The following CNTN5 variants were observed in gnomAD, a reference collection of about 807,000 sequenced individuals.
The protein encoded by CNTN5 is contactin 5.
In CNTN5, 77 loss-of-function variants were observed where a neutral mutation model predicts 129.1. The ratio of observed to expected loss-of-function variants is 0.60; its 90% CI spans 0.50 to 0.72. The LOEUF is 0.72. Ranked by LOEUF, CNTN5 falls within the 30% of genes least tolerant of loss-of-function variation. CNTN5 has a pLI of 0.00. For missense variants in CNTN5, 1,478 were observed against 1,328.8 expected (o/e 1.11, Z -1.75); for synonymous variants, 509 against 465.6 (o/e 1.09, Z -1.20).
intron 2 of CNTN5, among the ~76,000 whole-genome samples, chr11:99,367,973 T>C (rs921829901): frequency 6.6e-6 from 1 of 152,286 alleles, no homozygotes; most frequent in South Asian, 2.1e-4. Context: ...AATTTAATTT[T>C]CTGAATACCT....
intron 1 of CNTN5, among the ~76,000 whole-genome samples, chr11:99,036,538 A>T (rs567108455): frequency 1.3e-5 from 2 of 152,318 alleles, no homozygotes; most frequent in East Asian, 3.9e-4. Context: ...ATATGAAAAC[A>T]AATAAATATG....
At chr11:100,308,251 C>T (rs1951399327) in intron 20 of CNTN5, 108 bp from the exon 21 acceptor site, 1 of 973,902 alleles carries the variant, frequency 1.0e-6, no homozygotes, top group Admixed American at 2.9e-5. Context: ...TACCACAGCA[C>T]TTCATTTCAA....
intron 1 of CNTN5, among the ~76,000 whole-genome samples, chr11:99,209,091 TG>T (rs2135662286): frequency 6.6e-6 from 1 of 152,248 alleles, no homozygotes; most frequent in African/African-American, 2.4e-5. Context: ...AACCTTATTT[TG>T]CTGTGAATTG....
At chr11:99,957,632 C>CACTAT (rs1950837492) in intron 8 of CNTN5, among the ~76,000 whole-genome samples, 1 of 151,912 alleles carries the variant, frequency 6.6e-6, no homozygotes, top group South Asian at 2.1e-4. Flanking sequence ...GCTATATTAC[C>CACTAT]ATTGATATAT....
At chr11:99,911,213 G>A (rs1476873066) in intron 6 of CNTN5, among the ~76,000 whole-genome samples, 1 of 151,948 alleles carries the variant, frequency 6.6e-6, no homozygotes, top group Non-Finnish European at 1.5e-5. Flanking sequence ...TTTAAAATTT[G>A]CATTAAATCG....
intron 8 of CNTN5, among the ~76,000 whole-genome samples, chr11:99,983,337 GAA>G (rs893725768): frequency 3.3e-5 from 5 of 152,298 alleles, no homozygotes; most frequent in African/African-American, 1.2e-4. Context: ...ATGGAGTGGA[GAA>G]AAGTGTTGTG....
Position 100,350,791 on chromosome 11 carries a change from C to T in CNTN5, c.3120C>T (p.Val1040=), listed in dbSNP as rs1175736676. ...TAGTACCACTCCCAGATGCTGGAGTCTATATTATTGAAGTTCGAGCATATA... is the reference window on the plus strand; with the variant it reads ...TAGTACCACTCCCAGATGCTGGAGTTTATATTATTGAAGTTCGAGCATATA... The part of the protein sequence containing the change: ...QAVVPLPDAG[V]YIIEVRAYSE... Residue 1040 remains valine, a synonymous_variant, in exon 24 of 25, where the codon GTC becomes GTT. Transcript: ENST00000524871. The T allele has an allele frequency of 2.5e-6, 4 of 1,608,124 alleles. No individual in the cohort carries two copies. Among genetic ancestry groups the T allele is most frequent in the Middle Eastern group, 1.6e-4 (1 of 6,064 alleles).
chr11:99,430,983 TC>T (rs1943343116), intron 2 of CNTN5, among the ~76,000 whole-genome samples: 1 of 143,002 alleles, frequency 7.0e-6, no homozygotes, highest in Non-Finnish European at 1.5e-5. Context: ...AATTTTTGGA[TC>T]CTTTTTCCTG....
At chr11:99,839,016 T>G (rs1947392877) in intron 4 of CNTN5, among the ~76,000 whole-genome samples, 1 of 152,042 alleles carries the variant, frequency 6.6e-6, no homozygotes, top group Admixed American at 6.6e-5. Context: ...GGAAAAATTC[T>G]TCACAAGTAG....
chr11:99,573,792 T>G (rs375253667), intron 3 of CNTN5, among the ~76,000 whole-genome samples: 14 of 151,876 alleles, frequency 9.2e-5, no homozygotes, highest in African/African-American at 3.1e-4. Flanking sequence ...ATGCATGCAT[T>G]TTGGAGAAAC....
intron 2 of CNTN5, among the ~76,000 whole-genome samples, chr11:99,437,728 C>T (rs1210706441): frequency 6.6e-6 from 1 of 152,168 alleles, no homozygotes; most frequent in African/African-American, 2.4e-5. Context: ...GAGGCTGAGA[C>T]AGGAGAATCG....
intron 1 of CNTN5, among the ~76,000 whole-genome samples, chr11:99,032,328 T>A (rs1863435479): frequency 6.6e-6 from 1 of 151,514 alleles, no homozygotes; most frequent in Non-Finnish European, 1.5e-5. Flanking sequence ...TCTAGATCCC[T>A]GAGGAATCGC....
chr11:100,191,773 C>A (rs544689517), intron 14 of CNTN5, among the ~76,000 whole-genome samples: 1 of 151,812 alleles, frequency 6.6e-6, no homozygotes, highest in African/African-American at 2.4e-5. Flanking sequence ...TTTATATAAG[C>A]AATATTAATA....
At chr11:99,078,691 G>T (rs1282546313) in intron 1 of CNTN5, among the ~76,000 whole-genome samples, 1 of 152,158 alleles carries the variant, frequency 6.6e-6, no homozygotes, top group Non-Finnish European at 1.5e-5. Context: ...TCCAGGCACA[G>T]AAAGACAAAC....
chr11:99,790,833 A>AT (rs1042836057), intron 3 of CNTN5, among the ~76,000 whole-genome samples: 2 of 151,884 alleles, frequency 1.3e-5, no homozygotes, highest in East Asian at 1.9e-4. Flanking sequence ...CCAGCATGTT[A>AT]TTTTTTTGAC....
At chr11:99,318,013 T>A (rs1054576899) in intron 1 of CNTN5, among the ~76,000 whole-genome samples, 1 of 152,182 alleles carries the variant, frequency 6.6e-6, no homozygotes, top group Non-Finnish European at 1.5e-5. Context: ...CTGAAAACTC[T>A]GTTTCAAAAT....
chr11:99,620,406 A>G (rs968248771), intron 3 of CNTN5, among the ~76,000 whole-genome samples: 34 of 151,966 alleles, frequency 2.2e-4, no homozygotes, highest in Non-Finnish European at 7.4e-5. Flanking sequence ...TTAATTATAA[A>G]TATTGCAAAT....
At chr11:100,159,596 C>A (rs1428988668) in intron 13 of CNTN5, among the ~76,000 whole-genome samples, 1 of 151,800 alleles carries the variant, frequency 6.6e-6, no homozygotes, top group Non-Finnish European at 1.5e-5. Flanking sequence ...ACCTCAGAAC[C>A]CTAAGAAATA....
intron 9 of CNTN5, among the ~76,000 whole-genome samples, chr11:100,035,160 C>T (rs1405983877): frequency 6.6e-6 from 1 of 152,062 alleles, no homozygotes; most frequent in Non-Finnish European, 1.5e-5. Context: ...TGTGATGTTC[C>T]CCTTCCTGTG....
Sources: allele counts gnomAD v4.1 joint callset (sites outside exome capture counted in the v4.1 genomes callset), GRCh38; gene constraint gnomAD v4.1.1; transcripts MANE v1.5; gene names NCBI Gene and HGNC (gene_info 2026-07-23, HGNC 2026-07-21).